EDIL3: variants seen among roughly 807,000 people sequenced by gnomAD.
EDIL3 encodes EGF-like repeat and discoidin I-like domain-containing protein 3.
Under a neutral mutation model 67.4 loss-of-function variants are expected in EDIL3, and 37 were observed. The ratio of observed to expected loss-of-function variants is 0.55; its 90% CI spans 0.42 to 0.72. EDIL3 has a LOEUF of 0.72. Ranked by LOEUF, EDIL3 falls within the 30% of genes least tolerant of loss-of-function variation. The pLI is 0.00. For missense variants in EDIL3, 527 were observed against 586.3 expected (o/e 0.90, Z 1.04); for synonymous variants, 195 against 196.3 (o/e 0.99, Z 0.05).
chr5:84,312,471 T>C (rs557323430), intron 1 of EDIL3, among the ~76,000 whole-genome samples: 396 of 78,858 alleles, frequency 5.0e-3, no homozygotes, highest in Middle Eastern at 0.029. Flanking sequence ...GCAGAGGCGC[T>C]CCTCACCTCC....
chr5:84,313,218 C>A (rs1436510103), intron 1 of EDIL3, among the ~76,000 whole-genome samples: 1 of 152,106 alleles, frequency 6.6e-6, no homozygotes, highest in Admixed American at 6.5e-5. Flanking sequence ...ACAGAACATG[C>A]CAATTTAAAT....
intron 6 of EDIL3, among the ~76,000 whole-genome samples, chr5:84,101,617 A>G (rs1393710150): frequency 6.6e-6 from 1 of 152,096 alleles, no homozygotes; most frequent in Non-Finnish European, 1.5e-5. Flanking sequence ...CCCAAAACTG[A>G]GTCAGGATGA....
intron 9 of EDIL3, among the ~76,000 whole-genome samples, chr5:83,988,464 T>G (rs981185881): frequency 3.3e-5 from 5 of 152,160 alleles, no homozygotes; most frequent in Non-Finnish European, 7.4e-5. Flanking sequence ...ATATTTGGTG[T>G]TTGTCCCATT....
intron 5 of EDIL3, among the ~76,000 whole-genome samples, chr5:84,128,879 G>C (rs1451080252): frequency 6.6e-6 from 1 of 151,932 alleles, no homozygotes; most frequent in Non-Finnish European, 1.5e-5. Context: ...GCACATAAGG[G>C]GAATGTTGAA....
intron 1 of EDIL3, among the ~76,000 whole-genome samples, chr5:84,288,199 T>C (rs1315071137): frequency 2.0e-5 from 3 of 152,104 alleles, no homozygotes; most frequent in Admixed American, 6.6e-5. Context: ...CTCATCACTT[T>C]CTCTCATACC....
intron 1 of EDIL3, among the ~76,000 whole-genome samples, chr5:84,325,445 C>T (rs762329683): frequency 7.2e-5 from 11 of 151,834 alleles, no homozygotes; most frequent in Non-Finnish European, 1.5e-4. Flanking sequence ...TATCACCTCA[C>T]AACCATTAGG....
At chr5:84,235,372 C>A (rs998889366) in intron 2 of EDIL3, among the ~76,000 whole-genome samples, 1 of 152,136 alleles carries the variant, frequency 6.6e-6, no homozygotes, top group African/African-American at 2.4e-5. Flanking sequence ...CTTGAATAAT[C>A]AAAATGTTTC....
chr5:84,284,066 T>C (rs777622195), intron 1 of EDIL3, among the ~76,000 whole-genome samples: 2 of 152,078 alleles, frequency 1.3e-5, no homozygotes, highest in Non-Finnish European at 2.9e-5. Flanking sequence ...GCACCTCACA[T>C]CTTTACTTCA....
At chr5:84,149,105 A>C (rs1428872999) in intron 4 of EDIL3, among the ~76,000 whole-genome samples, 3 of 152,110 alleles carry the variant, frequency 2.0e-5, no homozygotes, top group Admixed American at 6.6e-5. Context: ...GAGCCTGGTG[A>C]ACTCTAGTGA....
intron 1 of EDIL3, among the ~76,000 whole-genome samples, chr5:84,321,254 A>G (rs1746643109): frequency 6.6e-6 from 1 of 152,042 alleles, no homozygotes; most frequent in Non-Finnish European, 1.5e-5. Context: ...TTATTTTGAA[A>G]ATATCTTTCA....
At chr5:84,223,089 G>C (rs2112402221) in intron 3 of EDIL3, among the ~76,000 whole-genome samples, 1 of 151,688 alleles carries the variant, frequency 6.6e-6, no homozygotes, top group South Asian at 2.1e-4. Flanking sequence ...TCTTCTAGGA[G>C]TTTTATGGTT....
At chr5:84,022,327 C>T (rs1745732759) in intron 9 of EDIL3, among the ~76,000 whole-genome samples, 2 of 151,858 alleles carry the variant, frequency 1.3e-5, no homozygotes, top group South Asian at 2.1e-4. Context: ...ATATGATAAT[C>T]TCAATAGATG....
chr5:84,211,393 A>C (rs1415094185), intron 3 of EDIL3, among the ~76,000 whole-genome samples: 1 of 152,230 alleles, frequency 6.6e-6, no homozygotes, highest in Non-Finnish European at 1.5e-5. Flanking sequence ...AGATGCCAGC[A>C]CTATGCTTCT....
chr5:84,169,642 T>C (rs887990510), intron 4 of EDIL3, among the ~76,000 whole-genome samples: 10 of 150,628 alleles, frequency 6.6e-5, no homozygotes, highest in African/African-American at 2.4e-4. Flanking sequence ...CTAGTATGTA[T>C]TCTCTTGGGA....
At chr5:84,229,768 T>G in intron 3 of EDIL3, 87 bp downstream of exon 3, 1 of 1,399,046 alleles carries the variant, frequency 7.1e-7, no homozygotes, top group African/African-American at 1.4e-5. Flanking sequence ...GGTTGAAATC[T>G]GAAAAAATAT....
intron 1 of EDIL3, among the ~76,000 whole-genome samples, chr5:84,275,120 TC>T (rs1745551996): frequency 6.6e-6 from 1 of 152,138 alleles, no homozygotes; most frequent in Admixed American, 6.6e-5. Context: ...AATCTCCAGA[TC>T]CCCAAATCAG....
At chr5:84,288,318 T>C (rs1390329814) in intron 1 of EDIL3, among the ~76,000 whole-genome samples, 1 of 152,158 alleles carries the variant, frequency 6.6e-6, no homozygotes, top group Non-Finnish European at 1.5e-5. Flanking sequence ...TCCATAATCC[T>C]CTTTTGCCTG....
In EDIL3 at chr5:84,132,283, T is replaced by C. The variant is rs544614311; in HGVS notation, c.469+4958A>G. On this transcript the variant is annotated intron_variant, in intron 5 of 10. Transcript: ENST00000296591. ...ATATATAATATATCTTTTTTTCATATATAGTATATATTTTATATATAATAT... is the reference window on the plus strand; with the variant it reads ...ATATATAATATATCTTTTTTTCATACATAGTATATATTTTATATATAATAT... Among the ~76,000 whole-genome samples, 60 of 108,302 alleles carry C rather than the reference T, an allele frequency of 5.5e-4. No individual in the cohort carries two copies. In the South Asian group the frequency reaches 0.015, roughly 27 times the overall value. 71.1% of individuals were successfully genotyped at this position (108,302 alleles called of 152,430 possible). A position where few individuals can be genotyped will look rare whatever the true frequency, so the allele number is the denominator to read the frequency against.
At chr5:84,028,168 C>T (rs1272935691) in intron 9 of EDIL3, among the ~76,000 whole-genome samples, 1 of 152,134 alleles carries the variant, frequency 6.6e-6, no homozygotes, top group Non-Finnish European at 1.5e-5. Context: ...TTCCCTCCCC[C>T]ATTTTTTTCC....
Sources: allele counts gnomAD v4.1 joint callset (sites outside exome capture counted in the v4.1 genomes callset), GRCh38; gene constraint gnomAD v4.1.1; transcripts MANE v1.5; gene names NCBI Gene and HGNC (gene_info 2026-07-23, HGNC 2026-07-21).